Variants in CRB2 observed in about 807,000 individuals in gnomAD.
The protein encoded by CRB2 is protein crumbs homolog 2.
A neutral mutation model predicts 110.9 loss-of-function variants in CRB2; 85 were observed. That is an observed-to-expected ratio of 0.77 (90% confidence interval 0.64 to 0.92). The LOEUF (loss-of-function observed/expected upper bound fraction) is 0.92, where lower values mean the gene tolerates loss of function less well. Among genes scored for constraint, CRB2 ranks in the 40% least tolerant of loss-of-function variants. The probability of loss-of-function intolerance (pLI) is 0.00; values close to 1 mark genes in which losing one functional copy is unlikely to be tolerated. For synonymous variants in CRB2, 907 were observed against 831.0 expected, an observed-to-expected ratio of 1.09 and a Z score of -1.57; for missense variants, 1,843 against 1,851.3, an observed-to-expected ratio of 1.00 and a Z score of 0.08.
chr9:123,375,897 C>T (rs1274967840), intron 12 of CRB2, among the ~76,000 whole-genome samples: 1 of 152,146 alleles, frequency 6.6e-6, no homozygotes, highest in East Asian at 1.9e-4. Context: ...ACACCCCTTC[C>T]TGGGGCGGGG....
Position 123,371,414 on chromosome 9 carries a change from C to T in CRB2, c.2272C>T (p.Pro758Ser), listed in dbSNP as rs373065941. 3 of 1,611,796 alleles carry T rather than the reference C, an allele frequency of 1.9e-6. No homozygotes were observed. Among genetic ancestry groups the T allele is most frequent in the East Asian group, 4.5e-5 (2 of 44,884 alleles). ...GAGGCTCCTTGCTGCCGACAGCCAGCCCTGGGGTGGGCCCTTCCGAGGCTG... is the reference window on the plus strand; with the variant it reads ...GAGGCTCCTTGCTGCCGACAGCCAGTCCTGGGGTGGGCCCTTCCGAGGCTG... ...GGRLLAADSQPWGGPFRGCLQ... is the reference protein window; with the variant it reads ...GGRLLAADSQSWGGPFRGCLQ... The change falls in exon 8 of 13, where the codon CCC becomes TCC. Residue 758 changes from proline (P) to serine (S), a missense_variant. Coordinates refer to ENST00000373631, the MANE Select transcript of CRB2 (RefSeq NM_173689.7).
chr9:123,372,963 G>C (rs1588216773), intron 9 of CRB2, among the ~76,000 whole-genome samples, 171 bp from the exon 10 acceptor site: 1 of 152,244 alleles, frequency 6.6e-6, no homozygotes, highest in South Asian at 2.1e-4. Flanking sequence ...TACATTGGGA[G>C]TAGAAGTGAG....
intron 3 of CRB2, 33 bp from the exon 4 acceptor site, chr9:123,366,194 G>A (rs769285572): frequency 2.9e-6 from 4 of 1,390,758 alleles, no homozygotes; most frequent in South Asian, 1.6e-5. Context: ...AGGGGCAGGC[G>A]CGCGCTCAGC....
intron 1 of CRB2, among the ~76,000 whole-genome samples, chr9:123,361,650 C>T (rs2041870336): frequency 6.6e-6 from 1 of 152,104 alleles, no homozygotes; most frequent in Non-Finnish European, 1.5e-5. Context: ...TCTGGAGGCT[C>T]TCCTCCCCCA....
chr9:123,362,772 C>G (rs1386365386), intron 1 of CRB2, 93 bp from the exon 2 acceptor site: 1 of 1,285,642 alleles, frequency 7.8e-7, no homozygotes, highest in East Asian at 2.3e-5. Flanking sequence ...ACCCACGTTG[C>G]TTTTGGGGTC....
At position 123,367,692 on chromosome 9, in the gene CRB2, T is replaced by TG. The variant is rs1476919336; in HGVS notation, c.1054+10dup. On this transcript the variant is annotated splice_region_variant and intron_variant, in intron 6 of 12. Coordinates refer to ENST00000373631, the MANE Select transcript of CRB2 (RefSeq NM_173689.7). ...CTGCCCAGATGGCTACGCAGGTGTC[T>TG]GGGGTGGGGTGGGCCCTGGGACCAT... The TG allele has an allele frequency of 2.6e-6, 4 of 1,533,166 alleles. No individual in the cohort carries two copies. The highest frequency in any genetic ancestry group is 2.7e-5 in the African/African-American group (2 of 72,902). 95.0% of individuals were successfully genotyped at this position (1,533,166 alleles called of 1,614,324 possible). A position where few individuals can be genotyped will look rare whatever the true frequency, so the allele number is the denominator to read the frequency against.
Position 123,371,475 on chromosome 9 carries a change from CCTT to C in CRB2, c.2337_2339del (p.Phe780del), listed in dbSNP as rs1223640645. 3.7e-6 allele frequency: 6 copies of C among 1,613,230 alleles called. No homozygotes were observed. Among genetic ancestry groups the C allele is most frequent in the Non-Finnish European group, 5.1e-6 (6 of 1,180,032 alleles). ...CTGCGACTCGATGGCTGCCACCTCC[CCTT>C]CTTTCCTCTGCCACTGGATAACTCA... On this transcript the variant is annotated inframe_deletion, in exon 8 of 13. Transcript: ENST00000373631.
At chr9:123,362,354 A>G (rs922102689) in intron 1 of CRB2, among the ~76,000 whole-genome samples, 5 of 151,952 alleles carry the variant, frequency 3.3e-5, no homozygotes, top group African/African-American at 7.3e-5. Flanking sequence ...CCTTGGATGG[A>G]TGGGGCCTGC....
intron 1 of CRB2, among the ~76,000 whole-genome samples, chr9:123,358,661 A>T (rs2041826962): frequency 6.6e-6 from 1 of 152,200 alleles, no homozygotes; most frequent in Admixed American, 6.5e-5. Flanking sequence ...CCCCTAGTTT[A>T]CAGAGGAGGT....
chr9:123,366,619 C>G (rs1391531671), intron 4 of CRB2, among the ~76,000 whole-genome samples: 4 of 152,176 alleles, frequency 2.6e-5, no homozygotes, highest in Non-Finnish European at 4.4e-5. Flanking sequence ...TGGGGAGGGC[C>G]TGACAGCTGC....
intron 1 of CRB2, among the ~76,000 whole-genome samples, chr9:123,358,818 C>T (rs546540296): frequency 2.6e-5 from 4 of 152,314 alleles, no homozygotes; most frequent in Admixed American, 1.3e-4. Flanking sequence ...TTACTCCGAG[C>T]GCTGGTATAA....
chr9:123,371,362 C>T lies in CRB2; in HGVS notation c.2220C>T (p.Asp740=), dbSNP rs756517624. 1.2e-6 allele frequency: 2 copies of T among 1,604,790 alleles called. No homozygotes were observed. Among genetic ancestry groups the T allele is most frequent in the African/African-American group, 1.3e-5 (1 of 74,974 alleles). Reference sequence around the variant, plus strand: ...GCTTCGGGCCTGACCAGCTGCAGGACCTGGGGCAGCACGTGCACGTGGGTG... The same window carrying T: ...GCTTCGGGCCTGACCAGCTGCAGGATCTGGGGCAGCACGTGCACGTGGGTG... ...MLSFGPDQLQ[D]LGQHVHVGGR... Residue 740 remains aspartate, a synonymous_variant, in exon 8 of 13, where the codon GAC becomes GAT. Coordinates refer to ENST00000373631, the MANE Select transcript of CRB2 (RefSeq NM_173689.7).
Position 123,370,562 on chromosome 9 carries a change from T to C in CRB2, c.1509T>C (p.Thr503=). 6.2e-7 allele frequency: 1 copy of C among 1,613,528 alleles called. No individual in the cohort carries two copies. The highest frequency in any genetic ancestry group is 8.5e-7 in the Non-Finnish European group (1 of 1,180,028). Residue 503 remains threonine (T), a synonymous_variant, in exon 7 of 13, where the codon ACT becomes ACC. Transcript: ENST00000373631. ...LQATLWSYST[T]VLVLRLPDLA... is the part of the protein sequence containing the mutation. ...CCACACTCTGGAGCTACAGCACCACTGTGCTTGTCCTGAGACTGCCGGACC... is the reference window on the plus strand; with the variant it reads ...CCACACTCTGGAGCTACAGCACCACCGTGCTTGTCCTGAGACTGCCGGACC...
chr9:123,367,521 C>T (rs2041954643), intron 5 of CRB2, 52 bp from the exon 6 acceptor site: 2 of 1,474,002 alleles, frequency 1.4e-6, no homozygotes, highest in South Asian at 1.2e-5. Flanking sequence ...CCCTCTCAGC[C>T]CCTGCCTGGC....
rs1250378136 is a variant in CRB2, at chr9:123,378,705, G to GT, written c.*1644dup. Reference sequence around the variant, plus strand: ...GAGATTTGGAAAACCTGTGTCAGCTGTAACTCCTAGGATATTTTATGTGGA... The same window carrying GT: ...GAGATTTGGAAAACCTGTGTCAGCTGTTAACTCCTAGGATATTTTATGTGGA... On this transcript the variant is annotated 3_prime_UTR_variant, in exon 13 of 13. Transcript: ENST00000373631. 6.6e-6 allele frequency: 1 copy of GT among 150,528 alleles called. No individual in the cohort carries two copies. The highest frequency in any genetic ancestry group is 1.5e-5 in the Non-Finnish European group (1 of 67,746). The allele number at this position is 150,528 out of a possible 1,614,324, so 9.3% of individuals were successfully genotyped here. A position where few individuals can be genotyped will look rare whatever the true frequency, so the allele number is the denominator to read the frequency against.
chr9:123,367,471 C>A, intron 5 of CRB2, 102 bp from the exon 6 acceptor site: 1 of 1,150,402 alleles, frequency 8.7e-7, no homozygotes, highest in Non-Finnish European at 1.2e-6. Flanking sequence ...CCCGAGTCTG[C>A]CCTCTCTCTT....
In CRB2 at chr9:123,366,277, G is replaced by C. The variant is rs1212259669; in HGVS notation, c.665G>C (p.Arg222Pro). The C allele has an allele frequency of 6.6e-7, 1 of 1,512,114 alleles. No homozygotes were observed. The highest frequency in any genetic ancestry group is 8.8e-7 in the Non-Finnish European group (1 of 1,142,364). The allele number at this position is 1,512,114 out of a possible 1,614,324, so 93.7% of individuals were successfully genotyped here. The part of the protein sequence containing the change: ...GTGYEGTHCE[R>P]EVLECASAPC... ...GGCTACGAGGGCACGCACTGCGAGCGGGAGGTGCTGGAGTGCGCATCGGCG... is the reference window on the plus strand; with the variant it reads ...GGCTACGAGGGCACGCACTGCGAGCCGGAGGTGCTGGAGTGCGCATCGGCG... The change falls in exon 4 of 13, where the codon CGG (arginine) becomes CCG (proline). Residue 222 changes from arginine to proline, a missense_variant. Coordinates refer to ENST00000373631, the MANE Select transcript of CRB2 (RefSeq NM_173689.7).
chr9:123,367,770 T>A, intron 6 of CRB2, 84 bp downstream of exon 6: 2 of 927,334 alleles, frequency 2.2e-6, no homozygotes, highest in Non-Finnish European at 3.3e-6. Flanking sequence ...ATGTGTGGAT[T>A]GATGGGGTCA....
At chr9:123,354,696 T>A (rs1346472419), upstream of CRB2, among the ~76,000 whole-genome samples, 2 of 152,122 alleles carry the variant, frequency 1.3e-5, no homozygotes, top group Non-Finnish European at 1.5e-5. Context: ...CTGAGAGAGG[T>A]TAGTGTCCCA....
Sources: allele counts gnomAD v4.1 joint callset (sites outside exome capture counted in the v4.1 genomes callset), GRCh38; gene constraint gnomAD v4.1.1; transcripts MANE v1.5; gene names NCBI Gene and HGNC (gene_info 2026-07-23, HGNC 2026-07-21).